GALNT10: variants seen among roughly 807,000 people sequenced by gnomAD.
GALNT10 encodes polypeptide N-acetylgalactosaminyltransferase 10.
Under a neutral mutation model 75.0 loss-of-function variants are expected in GALNT10, and 41 were observed. The ratio of observed to expected loss-of-function variants is 0.55; its 90% CI spans 0.43 to 0.71. The LOEUF is 0.71. GALNT10 is among the 30% of genes least tolerant of loss of function. GALNT10 has a pLI of 0.00. For missense variants in GALNT10, 727 were observed against 818.5 expected (o/e 0.89, Z 1.36); for synonymous variants, 302 against 313.0 (o/e 0.96, Z 0.37).
intron 4 of GALNT10, among the ~76,000 whole-genome samples, chr5:154,351,888 TCA>T (rs930403051): frequency 6.6e-6 from 1 of 152,218 alleles, no homozygotes; most frequent in Non-Finnish European, 1.5e-5. Context: ...TGCTCCTAGT[TCA>T]CAGTGTAATT....
chr5:154,312,681 T>A (rs1754539010), intron 3 of GALNT10, among the ~76,000 whole-genome samples: 1 of 152,210 alleles, frequency 6.6e-6, no homozygotes, highest in African/African-American at 2.4e-5. Flanking sequence ...GGAAAAAGTG[T>A]GGCAAAAAAC....
chr5:154,283,606 C>T (rs1240061139), intron 1 of GALNT10, among the ~76,000 whole-genome samples: 1 of 152,218 alleles, frequency 6.6e-6, no homozygotes, highest in African/African-American at 2.4e-5. Context: ...TCAGAGAGTT[C>T]TCAGTTTCCA....
intron 9 of GALNT10, among the ~76,000 whole-genome samples, chr5:154,410,173 A>G (rs1202316356): frequency 6.6e-6 from 1 of 152,166 alleles, no homozygotes; most frequent in Non-Finnish European, 1.5e-5. Flanking sequence ...TCACTTCTTG[A>G]TAATGTGCAT....
Position 154,208,805 on chromosome 5 carries a change from A to C in GALNT10, c.159+17780A>C, listed in dbSNP as rs139951559. Among the ~76,000 whole-genome samples, 160 of 152,358 alleles carry C rather than the reference A, an allele frequency of 1.1e-3. 1 individual carries two copies. Among genetic ancestry groups the C allele is most frequent in the African/African-American group, 3.7e-3 (153 of 41,584 alleles). On this transcript the variant is annotated intron_variant, in intron 1 of 11. Coordinates refer to ENST00000297107, the MANE Select transcript of GALNT10 (RefSeq NM_198321.4). The stretch of plus-strand genomic sequence containing the variant: ...ATTAGAGCGATGAAAATTGGCTATT[A>C]AGAAGTGAAAAGCACTCTAAAGAAT...
intron 3 of GALNT10, among the ~76,000 whole-genome samples, chr5:154,309,376 G>A (rs1208823630): frequency 1.3e-5 from 2 of 152,212 alleles, no homozygotes; most frequent in African/African-American, 4.8e-5. Context: ...AAGACGGGAT[G>A]CCACTGGAAG....
intron 8 of GALNT10, among the ~76,000 whole-genome samples, chr5:154,404,488 G>A (rs1479836889): frequency 6.6e-6 from 1 of 152,216 alleles, no homozygotes; most frequent in Non-Finnish European, 1.5e-5. Flanking sequence ...AGCATTGCCA[G>A]GAGAATTAAG....
intron 4 of GALNT10, among the ~76,000 whole-genome samples, chr5:154,354,855 G>A (rs546122325): frequency 4.2e-4 from 64 of 152,286 alleles, no homozygotes; most frequent in African/African-American, 1.3e-3. Flanking sequence ...GAAACTGTAC[G>A]TGACCCTGGG....
intron 1 of GALNT10, among the ~76,000 whole-genome samples, chr5:154,224,661 A>T (rs1245560960): frequency 6.6e-6 from 1 of 152,140 alleles, no homozygotes; most frequent in Non-Finnish European, 1.5e-5. Context: ...TCATTCTATA[A>T]ACAGTCATTT....
At chr5:154,311,842 C>T (rs1754524465) in intron 3 of GALNT10, among the ~76,000 whole-genome samples, 1 of 152,092 alleles carries the variant, frequency 6.6e-6, no homozygotes. Flanking sequence ...AACTCCTGGC[C>T]TTGAGTTGAT....
At position 154,416,043 on chromosome 5, in the gene GALNT10, A is replaced by G; in HGVS notation, c.1653+111A>G. The G allele has an allele frequency of 1.0e-6, 1 of 988,600 alleles. No homozygotes were observed. The highest frequency in any genetic ancestry group is 1.5e-6 in the Non-Finnish European group (1 of 668,074). 61.2% of individuals were successfully genotyped at this position (988,600 alleles called of 1,614,324 possible). On this transcript the variant is annotated intron_variant, in intron 11 of 11. Coordinates refer to ENST00000297107, the MANE Select transcript of GALNT10 (RefSeq NM_198321.4). The surrounding 1 kb of genome is among the most constrained non-coding windows in gnomAD (Gnocchi z 4.5). ...CCATCCACTTATTCATTTGTGCCAC[A>G]AACCTACCATGCCGGATTTTGTAGT... is the stretch of plus-strand genomic sequence containing the variant.
In GALNT10 at chr5:154,307,448, G is replaced by A. The variant is rs533892760; in HGVS notation, c.401+9369G>A. Reference sequence around the variant, plus strand: ...ATCCTGGCTAACATGGTGAAACCCCGTCTCTACTAAAAACACAAAAAATTA... The same window carrying A: ...ATCCTGGCTAACATGGTGAAACCCCATCTCTACTAAAAACACAAAAAATTA... On this transcript the variant is annotated intron_variant, in intron 3 of 11. Transcript: ENST00000297107. Among the ~76,000 whole-genome samples, 21 of 151,994 alleles carry A rather than the reference G, an allele frequency of 1.4e-4. No individual in the cohort carries two copies. The East Asian group carries it at 3.1e-3, about 22-fold the overall frequency.
Position 154,370,806 on chromosome 5 carries a change from G to A in GALNT10, c.569-5471G>A, listed in dbSNP as rs567923196. Among the ~76,000 whole-genome samples the A allele has an allele frequency of 1.3e-3, 201 of 152,270 alleles. 1 individual carries two copies. The highest frequency in any genetic ancestry group is 1.6e-3 in the Non-Finnish European group (107 of 68,020). On this transcript the variant is annotated intron_variant, in intron 4 of 11. Transcript: ENST00000297107. ...GTACTGCTGCTTTTAAAGACTGCTC[G>A]AACTGCTACAAACAGACTAGACTAC... is the stretch of plus-strand genomic sequence containing the variant.
intron 1 of GALNT10, among the ~76,000 whole-genome samples, chr5:154,261,267 G>GAA (rs34565845): frequency 0.23 from 35,196 of 150,796 alleles, 4,779 homozygotes; most frequent in African/African-American, 0.38. Flanking sequence ...TAAGCTAAAA[G>GAA]AAAAAAAAAC....
intron 4 of GALNT10, among the ~76,000 whole-genome samples, chr5:154,345,740 A>G (rs1220937567): frequency 6.7e-6 from 1 of 149,468 alleles, no homozygotes; most frequent in Non-Finnish European, 1.5e-5. Context: ...GGCTCCAGCA[A>G]TCCTCCCACC....
At chr5:154,312,731 T>C (rs1754539694) in intron 3 of GALNT10, among the ~76,000 whole-genome samples, 1 of 152,228 alleles carries the variant, frequency 6.6e-6, no homozygotes. Context: ...TTTCTTCTTT[T>C]CTCCTCTTTT....
intron 1 of GALNT10, among the ~76,000 whole-genome samples, chr5:154,260,419 C>T (rs1016691889): frequency 1.3e-5 from 2 of 152,186 alleles, no homozygotes; most frequent in Non-Finnish European, 2.9e-5. Context: ...TGCAGCCAGT[C>T]ATCTGCCCCG....
intron 7 of GALNT10, 189 bp from the exon 8 acceptor site, chr5:154,403,915 A>G: frequency 1.5e-6 from 1 of 662,458 alleles, no homozygotes; most frequent in Non-Finnish European, 2.8e-6. Context: ...GTAAGCACTC[A>G]GTGCTGTCAG....
chr5:154,261,070 A>G (rs947087461), intron 1 of GALNT10, among the ~76,000 whole-genome samples: 1 of 152,082 alleles, frequency 6.6e-6, no homozygotes, highest in Non-Finnish European at 1.5e-5. Context: ...GGGGGTGGGG[A>G]CACCCATTGT....
At chr5:154,254,971 A>G (rs1753584561) in intron 1 of GALNT10, among the ~76,000 whole-genome samples, 1 of 152,204 alleles carries the variant, frequency 6.6e-6, no homozygotes. Flanking sequence ...AGCTCCTCCC[A>G]GAAGCAGAGA....
Sources: gnomAD v4.1 joint callset for allele counts (sites outside exome capture counted in the v4.1 genomes callset) on GRCh38, gnomAD v4.1.1 for gene constraint, Gnocchi (gnomAD v3.1) non-coding constraint, MANE v1.5 for transcripts, NCBI Gene and HGNC (gene_info 2026-07-23, HGNC 2026-07-21) for gene names.